The following SYT9 variants were observed in gnomAD, a reference collection of about 807,000 sequenced individuals.
The protein encoded by SYT9 is synaptotagmin 9.
A neutral mutation model predicts 48.4 loss-of-function variants in SYT9; 22 were observed. The observed-to-expected ratio is 0.45, with a 90% CI of 0.32 to 0.65. The LOEUF (loss-of-function observed/expected upper bound fraction) is 0.65, where lower values mean the gene tolerates loss of function less well. Among genes scored for constraint, SYT9 ranks in the 30% least tolerant of loss-of-function variants. SYT9 has a pLI of 0.03. For synonymous variants in SYT9, 265 were observed against 245.0 expected (o/e 1.08, Z -0.76); for missense variants, 577 against 622.0 (o/e 0.93, Z 0.77).
intron 1 of SYT9, among the ~76,000 whole-genome samples, chr11:7,277,740 A>G (rs1848424374): frequency 6.6e-6 from 1 of 152,238 alleles, no homozygotes; most frequent in African/African-American, 2.4e-5. Flanking sequence ...TGTGAAAGCA[A>G]ATGCTCCTGT....
chr11:7,329,489 T>C (rs577780848), intron 3 of SYT9, among the ~76,000 whole-genome samples: 12 of 152,174 alleles, frequency 7.9e-5, no homozygotes, highest in African/African-American at 2.9e-4. Context: ...TTATAAAATA[T>C]ATGACTCGAC....
intron 3 of SYT9, among the ~76,000 whole-genome samples, chr11:7,366,775 T>C (rs1038603477): frequency 1.3e-5 from 2 of 152,236 alleles, no homozygotes; most frequent in East Asian, 1.9e-4. Flanking sequence ...CCAAATGTTA[T>C]ATATATTTTA....
At chr11:7,290,384 C>G (rs539250453) in intron 1 of SYT9, among the ~76,000 whole-genome samples, 5 of 152,322 alleles carry the variant, frequency 3.3e-5, no homozygotes, top group African/African-American at 1.2e-4. Flanking sequence ...CGATGAGCAG[C>G]AGCTCAATAC....
rs537149183 is a variant in SYT9, at chr11:7,312,187, G to C, written c.498-1208G>C. Reference sequence around the variant, plus strand: ...TAGGAGGCTATTTTAGGATAAAGAGGAATGCTCAGCATAACAATATCTGTG... The same window carrying C: ...TAGGAGGCTATTTTAGGATAAAGAGCAATGCTCAGCATAACAATATCTGTG... On this transcript the variant is annotated intron_variant, in intron 2 of 6. Coordinates refer to ENST00000318881, the MANE Select transcript of SYT9 (RefSeq NM_175733.4). 9.9e-5 allele frequency among the ~76,000 whole-genome samples: 15 copies of C among 152,236 alleles called. 1 individual carries two copies. In the South Asian group the frequency reaches 3.1e-3, roughly 32 times the overall value.
chr11:7,376,098 T>C (rs1241797178), intron 3 of SYT9, among the ~76,000 whole-genome samples: 1 of 152,122 alleles, frequency 6.6e-6, no homozygotes, highest in African/African-American at 2.4e-5. Flanking sequence ...AGTTCTAGAA[T>C]GGCAACTTGC....
intron 1 of SYT9, among the ~76,000 whole-genome samples, chr11:7,300,692 A>G (rs551766206): frequency 6.6e-6 from 1 of 152,322 alleles, no homozygotes; most frequent in South Asian, 2.1e-4. Context: ...TTTCACTGCT[A>G]TGTGGAGCCT....
At chr11:7,415,457 G>A (rs1009353581) in intron 3 of SYT9, among the ~76,000 whole-genome samples, 1 of 152,116 alleles carries the variant, frequency 6.6e-6, no homozygotes, top group African/African-American at 2.4e-5. Context: ...GTATGCAGGA[G>A]TACACAGGGA....
At position 7,432,583 on chromosome 11, in the gene SYT9, ATATATAT is replaced by A. The variant is rs1847621074; in HGVS notation, c.1467+11949_1467+11955del. Among the ~76,000 whole-genome samples, 12 of 2,894 alleles carry A rather than the reference ATATATAT, an allele frequency of 4.1e-3. 1 individual carries two copies. Among genetic ancestry groups the A allele is most frequent in the Admixed American group, 7.4e-3 (2 of 270 alleles). The allele number at this position is 2,894 out of a possible 152,430, so 1.9% of individuals were successfully genotyped here. On this transcript the variant is annotated intron_variant, in intron 6 of 6. Coordinates refer to ENST00000318881, the MANE Select transcript of SYT9 (RefSeq NM_175733.4). ...AAAAAAAAAAAAAAAAAAAAAAAAA[ATATATAT>A]ACATATATATATATATATATATATA...
chr11:7,310,039 G>A (rs1448624424), intron 2 of SYT9, among the ~76,000 whole-genome samples: 1 of 152,202 alleles, frequency 6.6e-6, no homozygotes, highest in East Asian at 1.9e-4. Flanking sequence ...CTGAATGGAG[G>A]GGAAAGTGTT....
At chr11:7,284,056 A>G (rs1848553531) in intron 1 of SYT9, among the ~76,000 whole-genome samples, 1 of 152,138 alleles carries the variant, frequency 6.6e-6, no homozygotes, top group African/African-American at 2.4e-5. Flanking sequence ...TTGGCTATTA[A>G]CTTTCCTTTA....
intron 1 of SYT9, among the ~76,000 whole-genome samples, chr11:7,272,891 G>A (rs1589903274): frequency 2.0e-5 from 3 of 152,298 alleles, no homozygotes; most frequent in Non-Finnish European, 1.5e-5. Context: ...GAAGTGGCAT[G>A]TGACCTTAGG....
At chr11:7,282,049 T>C (rs975250453) in intron 1 of SYT9, among the ~76,000 whole-genome samples, 8 of 152,214 alleles carry the variant, frequency 5.3e-5, no homozygotes, top group African/African-American at 1.7e-4. Context: ...CTAACTGTTC[T>C]TCCTGCTGTG....
At chr11:7,448,648 TC>T (rs1335073161) in intron 6 of SYT9, among the ~76,000 whole-genome samples, 2 of 152,244 alleles carry the variant, frequency 1.3e-5, no homozygotes, top group Non-Finnish European at 2.9e-5. Context: ...GGTTCTGTTT[TC>T]CAGACATACT....
At chr11:7,250,460 C>A (rs1369640611), upstream of SYT9, among the ~76,000 whole-genome samples, 1 of 144,190 alleles carries the variant, frequency 6.9e-6, no homozygotes, top group East Asian at 2.0e-4. Context: ...CACCCCCCCC[C>A]AGCATCACAC....
chr11:7,463,485 G>C (rs144751511), intron 6 of SYT9, among the ~76,000 whole-genome samples: 29 of 151,276 alleles, frequency 1.9e-4, no homozygotes, highest in African/African-American at 7.1e-4. Flanking sequence ...ACAGAAGCCA[G>C]ACAAAAGGGG....
At position 7,303,292 on chromosome 11, in the gene SYT9, C is replaced by G. The variant is rs1349210250; in HGVS notation, c.399C>G (p.Ser133=). ...CCTCCATGAAGATCAGCCACACCTC[C>G]CCTGACATTCCCCTCTCCACCCAGA... ...PDSSMKISHT[S]PDIPLSTQTG... is the part of the protein sequence containing the mutation. Residue 133 remains serine (S), a synonymous_variant, in exon 2 of 7, where the codon TCC becomes TCG. Transcript: ENST00000318881. 6.2e-7 allele frequency: 1 copy of G among 1,614,134 alleles called. No homozygotes were observed. The highest frequency in any genetic ancestry group is 1.7e-5 in the Admixed American group (1 of 60,022).
intron 2 of SYT9, 128 bp downstream of exon 2, chr11:7,303,518 A>T: frequency 9.5e-6 from 8 of 842,344 alleles, no homozygotes; most frequent in Non-Finnish European, 1.4e-5. Flanking sequence ...AGAGACATGA[A>T]TATGGGAAAA....
chr11:7,446,666 T>A (rs12290844), intron 6 of SYT9, among the ~76,000 whole-genome samples: 47,850 of 152,112 alleles, frequency 0.31, 8,560 homozygotes, highest in African/African-American at 0.47. Flanking sequence ...CCCCCCAGCC[T>A]CTCTGCCTTG....
intron 6 of SYT9, among the ~76,000 whole-genome samples, chr11:7,422,420 G>A (rs1408657743): frequency 6.6e-6 from 1 of 152,168 alleles, no homozygotes; most frequent in Non-Finnish European, 1.5e-5. Flanking sequence ...CAGGATCTAT[G>A]AGCCACTTGA....
Sources: allele counts gnomAD v4.1 joint callset (sites outside exome capture counted in the v4.1 genomes callset), GRCh38; gene constraint gnomAD v4.1.1; transcripts MANE v1.5; gene names NCBI Gene and HGNC (gene_info 2026-07-23, HGNC 2026-07-21).